The following KDM5B variants were observed in gnomAD, a reference collection of about 807,000 sequenced individuals.
KDM5B encodes the protein lysine demethylase 5B, also known as lysine-specific demethylase 5B.
Under a neutral mutation model 193.4 loss-of-function variants are expected in KDM5B, and 144 were observed. The ratio of observed to expected loss-of-function variants is 0.74; its 90% CI spans 0.65 to 0.86. The LOEUF is 0.86. Ranked by LOEUF, KDM5B falls within the 40% of genes least tolerant of loss-of-function variation. The probability of loss-of-function intolerance (pLI) is 0.00; values close to 1 mark genes in which losing one functional copy is unlikely to be tolerated. For synonymous variants in KDM5B, 668 were observed against 682.6 expected, an observed-to-expected ratio of 0.98 and a Z score of 0.33; for missense variants, 1,833 against 1,886.9, an observed-to-expected ratio of 0.97 and a Z score of 0.53.
chr1:202,740,714 T>C lies in KDM5B; in HGVS notation c.3044A>G (p.Gln1015Arg). 2.5e-6 allele frequency: 4 copies of C among 1,612,912 alleles called. No individual in the cohort carries two copies. The Middle Eastern group carries it at 5.9e-4, about 239-fold the overall frequency. ...ATCCTGAAGCCAGTCTCTGGCTCTC[T>C]GCACTGAGTCTTTCAGAGCCGCACC... ...PNGAALKDSV[Q>R]RARDWLQDVE... The change falls in exon 20 of 27, where the codon CAG becomes CGG. Residue 1015 changes from glutamine to arginine, a missense_variant. By Grantham distance (43) the Gln-to-Arg change is conservative. This residue lies in a region of KDM5B where 1,379 missense variants were observed against 1,349.6 expected (regional missense o/e 1.02). Transcript: ENST00000367265.
chr1:202,731,086 A>C (rs1326803121), intron 24 of KDM5B, 23 bp from the exon 25 acceptor site: 1 of 1,569,100 alleles, frequency 6.4e-7, no homozygotes, highest in South Asian at 1.2e-5. Flanking sequence ...AGACCAAATC[A>C]AAATGATAAC....
rs1656204879 is a variant in KDM5B at position 202,760,523 on chromosome 1, C to T, written c.969G>A (p.Arg323=). 2 of 1,613,074 alleles carry T rather than the reference C, an allele frequency of 1.2e-6. No individual in the cohort carries two copies. The highest frequency in any genetic ancestry group is 1.7e-6 in the Non-Finnish European group (2 of 1,179,528). ...LLCGSGNDED[R]LLLCDGCDDS... ...CATCACAGCCATCACACAACAGTAGCCGGTCTTCATCATTGCCACTGCCAC... is the reference window on the plus strand; with the variant it reads ...CATCACAGCCATCACACAACAGTAGTCGGTCTTCATCATTGCCACTGCCAC... The change falls in exon 8 of 27, where the codon CGG becomes CGA. Residue 323 remains arginine, a synonymous_variant. Transcript: ENST00000367265.
intron 1 of KDM5B, among the ~76,000 whole-genome samples, chr1:202,790,814 C>T (rs1025242471): frequency 1.3e-5 from 2 of 152,224 alleles, no homozygotes; most frequent in African/African-American, 4.8e-5. Context: ...ACATAGCATT[C>T]AAGGCACCAT....
At chr1:202,742,988 G>A (rs1184404747) in intron 16 of KDM5B, among the ~76,000 whole-genome samples, 183 bp from the exon 17 acceptor site, 1 of 152,098 alleles carries the variant, frequency 6.6e-6, no homozygotes, top group African/African-American at 2.4e-5. Context: ...GCTGAACACG[G>A]AGTTTTTTAA....
rs780648398 is a variant in KDM5B at position 202,729,105 on chromosome 1, T to C, written c.4566A>G (p.Pro1522=). 18 of 1,614,034 alleles carry C rather than the reference T, an allele frequency of 1.1e-5. No homozygotes were observed. In the East Asian group the frequency reaches 1.3e-4, roughly 12 times the overall value. ...WFHQVCVGVS[P]EMAEKEDYIC... The stretch of plus-strand genomic sequence containing the variant: ...TGTAGTCTTCTTTCTCTGCCATCTC[T>C]GGGGAGACACCAACACAGACCTGAT... The change falls in exon 27 of 27, where the codon CCA becomes CCG. Residue 1522 remains proline, a synonymous_variant. Coordinates refer to ENST00000367265, the MANE Select transcript of KDM5B (RefSeq NM_006618.5).
chr1:202,757,701 T>C (rs986065578), intron 9 of KDM5B, among the ~76,000 whole-genome samples: 1 of 152,222 alleles, frequency 6.6e-6, no homozygotes, highest in Non-Finnish European at 1.5e-5. Flanking sequence ...TTCACTCATA[T>C]ATTGCTGGGA....
intron 21 of KDM5B, among the ~76,000 whole-genome samples, chr1:202,735,891 A>T (rs1432302704): frequency 6.6e-6 from 1 of 152,258 alleles, no homozygotes; most frequent in Non-Finnish European, 1.5e-5. Context: ...AAGCACTTTT[A>T]AAAAATGGGG....
chr1:202,755,682 T>C lies in KDM5B; in HGVS notation c.1357-230A>G, dbSNP rs536604425. Among the ~76,000 whole-genome samples, 71 of 152,114 alleles carry C rather than the reference T, an allele frequency of 4.7e-4. No homozygotes were observed. The South Asian group carries it at 0.014, about 30-fold the overall frequency. On this transcript the variant is annotated intron_variant, in intron 10 of 26. Coordinates refer to ENST00000367265, the MANE Select transcript of KDM5B (RefSeq NM_006618.5). ...GTATCTGTCTCTTTTTAAATATATA[T>C]AGAGGAACATAAGCCATGAGTCCAC...
chr1:202,773,675 T>C (rs950193855), intron 3 of KDM5B, among the ~76,000 whole-genome samples: 2 of 152,096 alleles, frequency 1.3e-5, no homozygotes, highest in Non-Finnish European at 1.5e-5. Flanking sequence ...GCCAGCATGT[T>C]TGATGGAAAG....
chr1:202,749,209 T>G, intron 13 of KDM5B, 70 bp from the exon 14 acceptor site: 1 of 1,340,008 alleles, frequency 7.5e-7, no homozygotes, highest in East Asian at 2.4e-5. Context: ...TCTGACCCAT[T>G]ATTATCAAAT....
chr1:202,760,449 T>C lies in KDM5B; in HGVS notation c.1043A>G (p.Lys348Arg), dbSNP rs1339250498. Residue 348 changes from lysine to arginine, a missense_variant, in exon 8 of 27, where the codon AAG (lysine) becomes AGG (arginine). By Grantham distance (26) the Lys-to-Arg change is conservative. Around this residue, in one of 3 missense-constraint regions of KDM5B, gnomAD observed 99 missense variants for 162.4 expected, o/e 0.61. Transcript: ENST00000367265. ...ACACTTAGGACACCTCCAGTCTCCC[T>C]TGGGAACATCATGGAGAGGTGGGAT... Reference protein sequence around the residue: ...CLIPPLHDVPKGDWRCPKCLA... With the variant: ...CLIPPLHDVPRGDWRCPKCLA... 6.2e-7 allele frequency: 1 copy of C among 1,613,094 alleles called. No individual in the cohort carries two copies.
chr1:202,750,583 A>C (rs1655749629), intron 13 of KDM5B, 76 bp downstream of exon 13: 16 of 1,520,952 alleles, frequency 1.1e-5, no homozygotes, highest in Non-Finnish European at 1.4e-5. Flanking sequence ...CCCACATGAC[A>C]CTTTAAAACA....
chr1:202,735,539 G>A lies in KDM5B; in HGVS notation c.3313C>T (p.Gln1105Ter), dbSNP rs1482511580. 1 of 1,613,788 alleles carries A rather than the reference G, an allele frequency of 6.2e-7. No individual in the cohort carries two copies. The highest frequency in any genetic ancestry group is 8.5e-7 in the Non-Finnish European group (1 of 1,179,866). Reference sequence around the variant, plus strand: ...GGCAAGGGCTCCTTTAACTTTCTCTGCTTCCTTTTCAATCCCAAAAGGCCA... The same window carrying A: ...GGCAAGGGCTCCTTTAACTTTCTCTACTTCCTTTTCAATCCCAAAAGGCCA... ...DIGLLGLKRK[Q>*]RKLKEPLPNG... Residue 1105 changes from glutamine to a stop codon, truncating the protein, a stop_gained, in exon 22 of 27, where the codon CAG (glutamine) becomes TAG (stop). Transcript: ENST00000367265. LOFTEE classifies it high-confidence loss of function.
chr1:202,788,944 G>A (rs926186555), intron 1 of KDM5B, among the ~76,000 whole-genome samples: 2 of 152,056 alleles, frequency 1.3e-5, no homozygotes, highest in Non-Finnish European at 2.9e-5. Flanking sequence ...TCTGTCAGGG[G>A]GAAGGGATTT....
At chr1:202,730,584 T>A (rs980784773) in intron 25 of KDM5B, among the ~76,000 whole-genome samples, 1 of 152,178 alleles carries the variant, frequency 6.6e-6, no homozygotes, top group Non-Finnish European at 1.5e-5. Flanking sequence ...ACATCAGCCC[T>A]CATGCTATCT....
At chr1:202,800,531 G>A (rs1030514377) in intron 1 of KDM5B, among the ~76,000 whole-genome samples, 3 of 151,828 alleles carry the variant, frequency 2.0e-5, no homozygotes, top group Non-Finnish European at 4.4e-5. Flanking sequence ...GTAGAGATAG[G>A]GTCTCACTAT....
chr1:202,790,975 A>C (rs1657620265), intron 1 of KDM5B, among the ~76,000 whole-genome samples: 1 of 152,186 alleles, frequency 6.6e-6, no homozygotes, highest in Non-Finnish European at 1.5e-5. Context: ...AAATGAACTA[A>C]CATACTGACC....
At chr1:202,766,210 C>T (rs1015854860) in intron 5 of KDM5B, among the ~76,000 whole-genome samples, 2 of 151,880 alleles carry the variant, frequency 1.3e-5, no homozygotes, top group Admixed American at 1.3e-4. Flanking sequence ...GCGAGACCAC[C>T]TATAAAAGGA....
intron 7 of KDM5B, 65 bp from the exon 8 acceptor site, chr1:202,760,638 T>C (rs1656209935): frequency 8.0e-7 from 1 of 1,256,494 alleles, no homozygotes; most frequent in Admixed American, 2.4e-5. Flanking sequence ...TCTAAAATTC[T>C]AGAAATGAAA....
Sources: gnomAD v4.1 joint callset for allele counts (sites outside exome capture counted in the v4.1 genomes callset) on GRCh38, gnomAD v4.1.1 for gene constraint, gnomAD v4.1.1 regional missense constraint, MANE v1.5 for transcripts, NCBI Gene and HGNC (gene_info 2026-07-23, HGNC 2026-07-21) for gene names.